The following SMIM14 variants were observed in gnomAD, a reference collection of about 807,000 sequenced individuals.
SMIM14 encodes small integral membrane protein 14, also known as chromosome 4 open reading frame 34.
In SMIM14, 5 loss-of-function variants were observed where a neutral mutation model predicts 12.6. The observed-to-expected ratio is 0.40, with a 90% CI of 0.21 to 0.83. The LOEUF (loss-of-function observed/expected upper bound fraction) is 0.83. Ranked by LOEUF, SMIM14 falls within the 40% of genes least tolerant of loss-of-function variation. The pLI, the probability that SMIM14 is intolerant of heterozygous loss-of-function variation, is 0.37. For missense variants in SMIM14, 86 were observed against 119.1 expected, an observed-to-expected ratio of 0.72 and a Z score of 1.29; for synonymous variants, 30 against 40.1, an observed-to-expected ratio of 0.75 and a Z score of 0.95.
intron 1 of SMIM14, among the ~76,000 whole-genome samples, chr4:39,609,949 A>G (rs1223145697): frequency 6.6e-6 from 1 of 152,216 alleles, no homozygotes; most frequent in Non-Finnish European, 1.5e-5. Context: ...CTCCCTCCCT[A>G]TTCTCATTCC....
chr4:39,573,159 G>A (rs1044359916), intron 2 of SMIM14, among the ~76,000 whole-genome samples: 41 of 150,052 alleles, frequency 2.7e-4, no homozygotes, highest in African/African-American at 9.8e-4. Context: ...GCAATGATGC[G>A]ATCTCAGCTC....
chr4:39,576,680 ATATATTTTTTTTTTTTTTTTTTTT>A lies in SMIM14; in HGVS notation c.76-4241_76-4218del, dbSNP rs1377111228. Among the ~76,000 whole-genome samples, 32 of 30,632 alleles carry A rather than the reference ATATATTTTTTTTTTTTTTTTTTTT, an allele frequency of 1.0e-3. 2 individuals carry two copies. The highest frequency in any genetic ancestry group is 4.4e-3 in the African/African-American group (31 of 7,106). 20.1% of individuals were successfully genotyped at this position (30,632 alleles called of 152,430 possible). A position where few individuals can be genotyped will look rare whatever the true frequency, so the allele number is the denominator to read the frequency against. On this transcript the variant is annotated intron_variant, in intron 2 of 4. Coordinates refer to ENST00000295958, the MANE Select transcript of SMIM14 (RefSeq NM_174921.3). ...TATGTGTATATATATATATATATATATATATTTTTTTTTTTTTTTTTTTTTTTTTTTTTTTTTTTTTTTTGAGAC... is the reference window on the plus strand; with the variant it reads ...TATGTGTATATATATATATATATATATTTTTTTTTTTTTTTTTTTTGAGAC...
chr4:39,561,734 A>G (rs1290863803), intron 3 of SMIM14, among the ~76,000 whole-genome samples: 1 of 152,086 alleles, frequency 6.6e-6, no homozygotes, highest in African/African-American at 2.4e-5. Flanking sequence ...AGCCTGGCCA[A>G]CATGGTGTTG....
At chr4:39,575,510 G>A (rs1713122433) in intron 2 of SMIM14, among the ~76,000 whole-genome samples, 1 of 150,162 alleles carries the variant, frequency 6.7e-6, no homozygotes, top group Admixed American at 6.7e-5. Flanking sequence ...AGATCTTAAT[G>A]TAAAAATATG....
In SMIM14 at chr4:39,550,660, T is replaced by G. The variant is rs553235927; in HGVS notation, c.*1466A>C. On this transcript the variant is annotated 3_prime_UTR_variant, in exon 5 of 5. Coordinates refer to ENST00000295958, the MANE Select transcript of SMIM14 (RefSeq NM_174921.3). Reference sequence around the variant, plus strand: ...AACAATACAACCTTTTACTTTTTTATACATTTTAAAATTTCTCTCATATTA... The same window carrying G: ...AACAATACAACCTTTTACTTTTTTAGACATTTTAAAATTTCTCTCATATTA... 9 of 152,346 alleles carry G rather than the reference T, an allele frequency of 5.9e-5. No individual in the cohort carries two copies. In the South Asian group the frequency reaches 1.9e-3, roughly 32 times the overall value. The allele number at this position is 152,346 out of a possible 1,614,324, so 9.4% of individuals were successfully genotyped here.
rs6853828 is a variant in SMIM14 at position 39,636,976 on chromosome 4, G to A, written c.-36+1763C>T. Among the ~76,000 whole-genome samples, 1,057 of 152,294 alleles carry A rather than the reference G, an allele frequency of 6.9e-3. 13 individuals are homozygous for A. Among genetic ancestry groups the A allele is most frequent in the African/African-American group, 0.024 (998 of 41,560 alleles). ...CCCTGAAAGTGAAACCACGGATAAGGGGGCACTACTGTGTAGTGAATACGC... is the reference window on the plus strand; with the variant it reads ...CCCTGAAAGTGAAACCACGGATAAGAGGGCACTACTGTGTAGTGAATACGC... On this transcript the variant is annotated intron_variant, in intron 1 of 4. Transcript: ENST00000295958.
intron 2 of SMIM14, among the ~76,000 whole-genome samples, chr4:39,596,683 T>A (rs1714378489): frequency 6.6e-6 from 1 of 152,190 alleles, no homozygotes; most frequent in Non-Finnish European, 1.5e-5. Context: ...GCAAAAACAT[T>A]GTACTGACTT....
At position 39,552,038 on chromosome 4, in the gene SMIM14, A is replaced by G. The variant is rs1161575820; in HGVS notation, c.*88T>C. 9.5e-6 allele frequency: 10 copies of G among 1,047,446 alleles called. No homozygotes were observed. Among genetic ancestry groups the G allele is most frequent in the Non-Finnish European group, 1.4e-5 (10 of 730,996 alleles). The allele number at this position is 1,047,446 out of a possible 1,614,324, so 64.9% of individuals were successfully genotyped here. ...ATATTGCAGATACAAAAGGAAAAAC[A>G]GTTCTAATGGGGTTAAGAGTACTCT... On this transcript the variant is annotated 3_prime_UTR_variant, in exon 5 of 5. Transcript: ENST00000295958.
chr4:39,602,577 A>C (rs1424278364), intron 2 of SMIM14, among the ~76,000 whole-genome samples: 1 of 152,216 alleles, frequency 6.6e-6, no homozygotes, highest in Non-Finnish European at 1.5e-5. Context: ...CCTGGGCAAC[A>C]GAGCAGACTC....
intron 1 of SMIM14, among the ~76,000 whole-genome samples, chr4:39,637,239 T>C (rs945200227): frequency 6.6e-6 from 1 of 152,190 alleles, no homozygotes; most frequent in Admixed American, 6.5e-5. Flanking sequence ...ATCAACATCT[T>C]CTCTATTACA....
chr4:39,606,949 T>A (rs1353328179), intron 1 of SMIM14, among the ~76,000 whole-genome samples: 1 of 152,140 alleles, frequency 6.6e-6, no homozygotes, highest in African/African-American at 2.4e-5. Flanking sequence ...TTTAACAGCA[T>A]AGGAGACATT....
intron 1 of SMIM14, among the ~76,000 whole-genome samples, chr4:39,625,588 G>A (rs537459397): frequency 2.6e-5 from 4 of 152,126 alleles, no homozygotes; most frequent in Non-Finnish European, 4.4e-5. Context: ...CTACAGGCAC[G>A]CGCCACCACA....
chr4:39,597,611 T>C (rs986267790), intron 2 of SMIM14, among the ~76,000 whole-genome samples: 2 of 152,034 alleles, frequency 1.3e-5, no homozygotes, highest in Non-Finnish European at 2.9e-5. Flanking sequence ...ACCCAGCTAA[T>C]TTTTGTATTT....
At chr4:39,577,139 T>C (rs1218777646) in intron 2 of SMIM14, among the ~76,000 whole-genome samples, 1 of 151,990 alleles carries the variant, frequency 6.6e-6, no homozygotes, top group Non-Finnish European at 1.5e-5. Context: ...ATGACCAGTG[T>C]TTTTCTTCAG....
intron 4 of SMIM14, among the ~76,000 whole-genome samples, chr4:39,556,148 G>T (rs1711998910): frequency 1.3e-5 from 2 of 149,132 alleles, no homozygotes; most frequent in African/African-American, 5.0e-5. Context: ...GGGCGGCACA[G>T]CAAGACCCTG....
At chr4:39,621,273 T>C (rs185324266) in intron 1 of SMIM14, among the ~76,000 whole-genome samples, 1 of 151,504 alleles carries the variant, frequency 6.6e-6, no homozygotes, top group Admixed American at 6.6e-5. Flanking sequence ...ATTTAGGACA[T>C]AAGACTGTGC....
chr4:39,614,127 G>A (rs938356699), intron 1 of SMIM14, among the ~76,000 whole-genome samples: 3 of 144,650 alleles, frequency 2.1e-5, no homozygotes, highest in African/African-American at 5.1e-5. Context: ...GAGGGTTGTA[G>A]TGAGCCGAGA....
At chr4:39,552,803 T>C (rs779177760) in intron 4 of SMIM14, among the ~76,000 whole-genome samples, 1 of 152,208 alleles carries the variant, frequency 6.6e-6, no homozygotes, top group Non-Finnish European at 1.5e-5. Context: ...GAATTGACTT[T>C]TGTTAACTTG....
At position 39,570,317 on chromosome 4, in the gene SMIM14, C is replaced by T. The variant is rs908154342; in HGVS notation, c.124+2098G>A. On this transcript the variant is annotated intron_variant, in intron 3 of 4. Transcript: ENST00000295958. ...CTGGGACTACAGGCACGTGCCACCA[C>T]GCCCAGCTAATTTTTGTATTTTTAG... Among the ~76,000 whole-genome samples the T allele has an allele frequency of 2.6e-5, 4 of 151,988 alleles. No individual in the cohort carries two copies. The East Asian group carries it at 5.8e-4, about 22-fold the overall frequency.
Sources: gnomAD v4.1 joint callset for allele counts (sites outside exome capture counted in the v4.1 genomes callset) on GRCh38, gnomAD v4.1.1 for gene constraint, MANE v1.5 for transcripts, NCBI Gene and HGNC (gene_info 2026-07-23, HGNC 2026-07-21) for gene names.